Variants in TPRX1 observed in about 807,000 individuals in gnomAD.
The protein encoded by TPRX1 is tetrapeptide repeat homeobox 1, also known as tetra-peptide repeat homeobox protein 1.
Under a neutral mutation model 8.1 loss-of-function variants are expected in TPRX1, and 2 were observed. The observed-to-expected ratio is 0.25, with a 90% CI of 0.10 to 0.78. The LOEUF (loss-of-function observed/expected upper bound fraction) is 0.78. Ranked by LOEUF, TPRX1 falls within the 30% of genes least tolerant of loss-of-function variation. The pLI is 0.70. For synonymous variants in TPRX1, 257 were observed against 254.1 expected (o/e 1.01, Z -0.11); for missense variants, 517 against 586.9 (o/e 0.88, Z 1.23).
At chr19:47,813,257 G>C (rs1385027776) in intron 2 of TPRX1, among the ~76,000 whole-genome samples, 1 of 151,670 alleles carries the variant, frequency 6.6e-6, no homozygotes, top group Non-Finnish European at 1.5e-5. Flanking sequence ...AGTCTGGGAG[G>C]TTGAGGCTGC....
chr19:47,815,069 G>C (rs1340820870), intron 2 of TPRX1, among the ~76,000 whole-genome samples: 2 of 135,716 alleles, frequency 1.5e-5, no homozygotes, highest in African/African-American at 5.6e-5. Flanking sequence ...AAAGTGCTGG[G>C]ATTACAGGTG....
At chr19:47,818,430 C>A (rs1298959244) in intron 2 of TPRX1, 1 of 454,754 alleles carries the variant, frequency 2.2e-6, no homozygotes, top group African/African-American at 2.0e-5. Context: ...GTCCATCCAT[C>A]CATCCATTTC....
intron 2 of TPRX1, among the ~76,000 whole-genome samples, chr19:47,803,940 A>G (rs296399): frequency 2.5e-4 from 37 of 150,754 alleles, no homozygotes; most frequent in Middle Eastern, 3.4e-3. Flanking sequence ...GGCCTGCTCA[A>G]CCCTCCCCAG....
intron 2 of TPRX1, among the ~76,000 whole-genome samples, chr19:47,815,718 G>A (rs1212028359): frequency 2.0e-5 from 3 of 149,662 alleles, no homozygotes; most frequent in Non-Finnish European, 3.0e-5. Flanking sequence ...AGGCTGAGAC[G>A]AGAGGATCAT....
At chr19:47,812,239 G>A (rs141192319) in intron 2 of TPRX1, among the ~76,000 whole-genome samples, 3,729 of 152,190 alleles carry the variant, frequency 0.025, 71 homozygotes, top group Non-Finnish European at 0.036. Context: ...GAGAGTTAAC[G>A]GGTGCAGTCC....
At chr19:47,805,554 A>G (rs1377547182) in intron 2 of TPRX1, among the ~76,000 whole-genome samples, 3 of 152,216 alleles carry the variant, frequency 2.0e-5, no homozygotes, top group Non-Finnish European at 2.9e-5. Flanking sequence ...CTCATGGTGC[A>G]GGGAACTAGA....
intron 2 of TPRX1, among the ~76,000 whole-genome samples, chr19:47,807,775 C>A (rs1318484513): frequency 6.6e-6 from 1 of 152,018 alleles, no homozygotes; most frequent in South Asian, 2.1e-4. Flanking sequence ...TGTGGATTGG[C>A]CAAGATCAAA....
At chr19:47,810,410 C>T (rs1335621843) in intron 2 of TPRX1, among the ~76,000 whole-genome samples, 4 of 134,202 alleles carry the variant, frequency 3.0e-5, no homozygotes, top group Non-Finnish European at 4.8e-5. Flanking sequence ...GTGCAGTGGC[C>T]GGATCTTGGC....
At position 47,802,526 on chromosome 19, in the gene TPRX1, G is replaced by T. The variant is rs201365245; in HGVS notation, c.776C>A (p.Pro259Gln). 5.6e-5 allele frequency: 87 copies of T among 1,549,232 alleles called. No individual in the cohort carries two copies. In the African/African-American group the frequency reaches 9.9e-4, roughly 18 times the overall value. The change falls in exon 4 of 4, where the codon CCG becomes CAG. Residue 259 changes from proline (P) to glutamine (Q), a missense_variant. Physicochemically the swap from Pro to Gln is moderately conservative, Grantham distance 76 (BLOSUM62 -1). This residue lies in a region of TPRX1 where 506 missense variants were observed against 515.5 expected (regional missense o/e 0.98). Transcript: ENST00000535759. ...TGGGCCTGAGATTGGGCCTGGGATC[G>T]GGGCTGGGCCTGAAATTGGGCCTGG...
At chr19:47,815,114 T>TTTTATATATATATATA (rs1555799970) in intron 2 of TPRX1, among the ~76,000 whole-genome samples, 1 of 63,390 alleles carries the variant, frequency 1.6e-5, no homozygotes, top group Non-Finnish European at 2.7e-5. Context: ...AATAGATAAA[T>TTTTATATATATATATA]TATATATATA....
At chr19:47,811,959 T>G (rs8104402) in intron 2 of TPRX1, among the ~76,000 whole-genome samples, 7 of 151,342 alleles carry the variant, frequency 4.6e-5, no homozygotes, top group Non-Finnish European at 1.0e-4. Flanking sequence ...CTCTGCCTCC[T>G]GGGCTCAAGC....
intron 2 of TPRX1, among the ~76,000 whole-genome samples, chr19:47,811,798 A>C (rs1489387416): frequency 6.6e-6 from 1 of 150,522 alleles, no homozygotes; most frequent in Non-Finnish European, 1.5e-5. Flanking sequence ...CGCCCGGCTA[A>C]TGGCAACTTC....
Position 47,812,982 on chromosome 19 carries a change from C to T in TPRX1, c.151+5486G>A, listed in dbSNP as rs1374441810. Reference sequence around the variant, plus strand: ...ATTAGCCAGGTATGGTGGCACGCGCCTGTAATCCTAGCTACTCAGGAGGTT... The same window carrying T: ...ATTAGCCAGGTATGGTGGCACGCGCTTGTAATCCTAGCTACTCAGGAGGTT... On this transcript the variant is annotated intron_variant, in intron 2 of 3. Coordinates refer to ENST00000535759, the Ensembl canonical transcript of TPRX1. 2.6e-5 allele frequency among the ~76,000 whole-genome samples: 4 copies of T among 151,832 alleles called. No individual in the cohort carries two copies. In the East Asian group the frequency reaches 7.7e-4, roughly 29 times the overall value.
chr19:47,802,287 G>A lies in TPRX1; in HGVS notation c.1015C>T (p.Pro339Ser), dbSNP rs750996738. ...AGGCCTGGGTTCGGGCCTGAGATTG[G>A]GCCTGGGATCGGGCCTGGGTTCGGG... Residue 339 changes from proline (P) to serine (S), a missense_variant, in exon 4 of 4, where the codon CCA (proline) becomes TCA (serine). This residue lies in a region of TPRX1 where 506 missense variants were observed against 515.5 expected (regional missense o/e 0.98). Transcript: ENST00000535759. The A allele has an allele frequency of 4.4e-6, 6 of 1,350,566 alleles. No homozygotes were observed. Among genetic ancestry groups the A allele is most frequent in the Admixed American group, 4.2e-5 (2 of 47,098 alleles). 83.7% of individuals were successfully genotyped at this position (1,350,566 alleles called of 1,614,324 possible). A position where few individuals can be genotyped will look rare whatever the true frequency, so the allele number is the denominator to read the frequency against.
intron 2 of TPRX1, among the ~76,000 whole-genome samples, chr19:47,813,226 C>T (rs1244471069): frequency 6.7e-6 from 1 of 148,332 alleles, no homozygotes; most frequent in Non-Finnish European, 1.5e-5. Context: ...ACTTGGGAGG[C>T]TGAGGTGGGA....
Position 47,803,440 on chromosome 19 carries a change from G to A in TPRX1, c.321+64C>T, listed in dbSNP as rs888528562. 1.4e-5 allele frequency: 13 copies of A among 910,040 alleles called. No homozygotes were observed. In the Admixed American group the frequency reaches 2.6e-4, roughly 18 times the overall value. The allele number at this position is 910,040 out of a possible 1,614,324, so 56.4% of individuals were successfully genotyped here. A position where few individuals can be genotyped will look rare whatever the true frequency, so the allele number is the denominator to read the frequency against. ...GGTCGGGCGGGCCAGGCCCCGGTGA[G>A]TGACAGCGGTGGGGAGGCTCCTTGG... On this transcript the variant is annotated intron_variant, in intron 3 of 3. Transcript: ENST00000535759.
chr19:47,802,843 C>T, exon 4 of TPRX1: 2 of 1,601,388 alleles, frequency 1.2e-6, no homozygotes, highest in East Asian at 2.2e-5. Flanking sequence ...AGGGGCCCCG[C>T]TGAGGTGCGG....
intron 2 of TPRX1, among the ~76,000 whole-genome samples, chr19:47,811,786 C>A (rs892119250): frequency 6.6e-6 from 1 of 152,026 alleles, no homozygotes; most frequent in African/African-American, 2.4e-5. Flanking sequence ...CGTGAGCCAC[C>A]GCGCCCGGCT....
intron 2 of TPRX1, among the ~76,000 whole-genome samples, chr19:47,811,008 T>A (rs865934136): frequency 3.1e-4 from 47 of 150,242 alleles, no homozygotes; most frequent in East Asian, 2.9e-3. Flanking sequence ...TTTTTTTTTT[T>A]AATTTTATTT....
Sources: gnomAD v4.1 joint callset for allele counts (sites outside exome capture counted in the v4.1 genomes callset) on GRCh38, gnomAD v4.1.1 for gene constraint, gnomAD v4.1.1 regional missense constraint, MANE v1.5 for transcripts, NCBI Gene and HGNC (gene_info 2026-07-23, HGNC 2026-07-21) for gene names.